LRRTM4: variants seen among roughly 807,000 people sequenced by gnomAD.
The protein encoded by LRRTM4 is leucine-rich repeat transmembrane neuronal protein 4.
Under a neutral mutation model 47.6 loss-of-function variants are expected in LRRTM4, and 25 were observed. That is an observed-to-expected ratio of 0.53 (90% CI 0.38 to 0.73). The LOEUF is 0.73. Among genes scored for constraint, LRRTM4 ranks in the 30% least tolerant of loss-of-function variants. The pLI is 0.00. For synonymous variants in LRRTM4, 311 were observed against 269.5 expected (o/e 1.15, Z -1.51); for missense variants, 638 against 713.4 (o/e 0.89, Z 1.20).
intron 3 of LRRTM4, among the ~76,000 whole-genome samples, chr2:77,123,994 C>G (rs1671587669): frequency 6.6e-6 from 1 of 152,088 alleles, no homozygotes; most frequent in Non-Finnish European, 1.5e-5. Flanking sequence ...AATGTTTCCA[C>G]TATGGGCTAA....
At chr2:77,513,516 TG>T (rs1331849499) in intron 3 of LRRTM4, among the ~76,000 whole-genome samples, 1 of 152,140 alleles carries the variant, frequency 6.6e-6, no homozygotes, top group African/African-American at 2.4e-5. Flanking sequence ...TGTTAAATTT[TG>T]TTTTTTGAAA....
At chr2:77,393,202 G>C (rs1362674313) in intron 3 of LRRTM4, among the ~76,000 whole-genome samples, 1 of 151,840 alleles carries the variant, frequency 6.6e-6, no homozygotes, top group Non-Finnish European at 1.5e-5. Flanking sequence ...CAAATAGTGT[G>C]TATTAAAGAT....
intron 3 of LRRTM4, among the ~76,000 whole-genome samples, chr2:77,364,520 T>C (rs1376366180): frequency 6.6e-6 from 1 of 151,976 alleles, no homozygotes; most frequent in African/African-American, 2.4e-5. Context: ...ATAATGAAAA[T>C]TGGATACACC....
intron 3 of LRRTM4, among the ~76,000 whole-genome samples, chr2:76,881,552 T>C (rs2104107404): frequency 6.6e-6 from 1 of 152,122 alleles, no homozygotes; most frequent in East Asian, 1.9e-4. Context: ...ATACTGAATT[T>C]ATGTTAATGT....
chr2:76,805,225 TA>T (rs1049696569), intron 3 of LRRTM4, among the ~76,000 whole-genome samples: 4 of 152,050 alleles, frequency 2.6e-5, no homozygotes, highest in Non-Finnish European at 4.4e-5. Flanking sequence ...GAAAAAGCCC[TA>T]AAAAATTGTG....
chr2:76,793,510 GA>G (rs1463143632), intron 3 of LRRTM4, among the ~76,000 whole-genome samples: 1 of 151,944 alleles, frequency 6.6e-6, no homozygotes, highest in Non-Finnish European at 1.5e-5. Context: ...ATTATTTGTG[GA>G]CAATATCTAG....
chr2:77,519,443 G>A lies in LRRTM4; in HGVS notation c.426C>T (p.Tyr142=), dbSNP rs1213791122. 3.7e-6 allele frequency: 6 copies of A among 1,613,474 alleles called. No homozygotes were observed. In the Admixed American group the frequency reaches 1.0e-4, roughly 27 times the overall value. The change falls in exon 3 of 4, where the codon TAC becomes TAT. Residue 142 remains tyrosine (Y), a synonymous_variant. Coordinates refer to ENST00000409884, the MANE Select transcript of LRRTM4 (RefSeq NM_001134745.3). This position sits in a 1 kb window ranked among gnomAD's most constrained non-coding sequence, Gnocchi z 4.6. The part of the protein sequence containing the change: ...VPNLRNLDLS[Y]NKLQTLQSEQ... ...CAGATTGCAATGTCTGAAGCTTATT[G>A]TAGGAGAGGTCCAGATTGCGGAGAT...
intron 3 of LRRTM4, among the ~76,000 whole-genome samples, chr2:76,995,447 G>A (rs896830260): frequency 1.3e-5 from 2 of 151,908 alleles, no homozygotes; most frequent in Non-Finnish European, 2.9e-5. Context: ...CTATCTCAGT[G>A]AACAAATGTT....
chr2:77,297,564 G>A (rs959780271), intron 3 of LRRTM4, among the ~76,000 whole-genome samples: 2 of 152,114 alleles, frequency 1.3e-5, no homozygotes, highest in African/African-American at 4.8e-5. Flanking sequence ...TTATTTCTAT[G>A]CCTTTGGACC....
chr2:77,165,536 T>C (rs529478630), intron 3 of LRRTM4, among the ~76,000 whole-genome samples: 1 of 152,298 alleles, frequency 6.6e-6, no homozygotes, highest in Admixed American at 6.5e-5. Context: ...ATATCCCTAA[T>C]GAACATTGAT....
chr2:77,494,588 A>ATT (rs34983876), intron 3 of LRRTM4, among the ~76,000 whole-genome samples: 53 of 148,840 alleles, frequency 3.6e-4, no homozygotes, highest in Admixed American at 2.1e-3. Flanking sequence ...TGCTTTTCCC[A>ATT]TTTTTTTTTT....
At chr2:76,999,451 A>G (rs1256245254) in intron 3 of LRRTM4, among the ~76,000 whole-genome samples, 1 of 114,846 alleles carries the variant, frequency 8.7e-6, no homozygotes, top group Non-Finnish European at 1.6e-5. Context: ...AAACAAAACA[A>G]AAAAAAAAAG....
At chr2:76,769,270 G>C (rs947058298) in intron 3 of LRRTM4, among the ~76,000 whole-genome samples, 4 of 152,074 alleles carry the variant, frequency 2.6e-5, no homozygotes, top group African/African-American at 9.7e-5. Flanking sequence ...AAAACACACA[G>C]AAAAGTGATC....
intron 3 of LRRTM4, among the ~76,000 whole-genome samples, chr2:77,022,042 C>T (rs112633045): frequency 0.021 from 3,156 of 152,082 alleles, 122 homozygotes; most frequent in African/African-American, 0.072. Context: ...AAGACATACC[C>T]GAGACTGGGA....
intron 3 of LRRTM4, among the ~76,000 whole-genome samples, chr2:77,334,473 T>C (rs1671088496): frequency 6.6e-6 from 1 of 152,170 alleles, no homozygotes; most frequent in African/African-American, 2.4e-5. Context: ...AGTGAATGAG[T>C]CTTATGATAT....
At chr2:77,251,386 C>T (rs1675612051) in intron 3 of LRRTM4, among the ~76,000 whole-genome samples, 3 of 151,356 alleles carry the variant, frequency 2.0e-5, no homozygotes, top group Admixed American at 2.0e-4. Flanking sequence ...CTAGGAGTTC[C>T]AGGGAAATGG....
chr2:77,001,424 T>C (rs542014286), intron 3 of LRRTM4, among the ~76,000 whole-genome samples: 2 of 152,108 alleles, frequency 1.3e-5, no homozygotes, highest in Admixed American at 1.3e-4. Flanking sequence ...AAGCCAACCA[T>C]ATCAGAATGC....
chr2:76,907,022 C>T lies in LRRTM4; in HGVS notation c.1552-158106G>A, dbSNP rs185297130. ...TAGACATCTACAGAACTCTCCACCC[C>T]AAATCAACACAATATACATTTTTTT... On this transcript the variant is annotated intron_variant, in intron 3 of 3. Coordinates refer to ENST00000409884, the MANE Select transcript of LRRTM4 (RefSeq NM_001134745.3). Among the ~76,000 whole-genome samples, 576 of 152,242 alleles carry T rather than the reference C, an allele frequency of 3.8e-3. 1 individual carries two copies. Among genetic ancestry groups the T allele is most frequent in the African/African-American group, 0.013 (552 of 41,534 alleles).
chr2:76,982,371 T>C (rs758191843), intron 3 of LRRTM4, among the ~76,000 whole-genome samples: 2 of 152,100 alleles, frequency 1.3e-5, no homozygotes, highest in African/African-American at 2.4e-5. Flanking sequence ...TTTAACCCTG[T>C]AAAAATTTTA....
Sources: gnomAD v4.1 joint callset for allele counts (sites outside exome capture counted in the v4.1 genomes callset) on GRCh38, gnomAD v4.1.1 for gene constraint, Gnocchi (gnomAD v3.1) non-coding constraint, MANE v1.5 for transcripts, NCBI Gene and HGNC (gene_info 2026-07-23, HGNC 2026-07-21) for gene names.